The following COL28A1 variants were observed in gnomAD, a reference collection of about 807,000 sequenced individuals.
The protein encoded by COL28A1 is collagen alpha-1(XXVIII) chain.
In COL28A1, 161 loss-of-function variants were observed where a neutral mutation model predicts 150.2. That is an observed-to-expected ratio of 1.07 (90% confidence interval 0.94 to 1.22). COL28A1 has a LOEUF of 1.22. Among genes scored for constraint, COL28A1 ranks in the 50% most tolerant of loss-of-function variants. The probability of loss-of-function intolerance (pLI) is 0.00; values close to 1 mark genes in which losing one functional copy is unlikely to be tolerated. For synonymous variants in COL28A1, 552 were observed against 469.7 expected (o/e 1.18, Z -2.26); for missense variants, 1,617 against 1,388.3 (o/e 1.16, Z -2.62).
At chr7:7,382,891 G>C (rs1315164918) in intron 27 of COL28A1, among the ~76,000 whole-genome samples, 2 of 152,132 alleles carry the variant, frequency 1.3e-5, no homozygotes, top group Non-Finnish European at 2.9e-5. Context: ...TGGGATTTAC[G>C]AGGCACTCCT....
At chr7:7,506,380 CTTTTT>C (rs1310876573) in intron 10 of COL28A1, among the ~76,000 whole-genome samples, 2 of 152,138 alleles carry the variant, frequency 1.3e-5, no homozygotes, top group Non-Finnish European at 2.9e-5. Flanking sequence ...TAAGTATCTT[CTTTTT>C]TAAAATATCT....
At chr7:7,360,288 T>C in intron 34 of COL28A1, 102 bp downstream of exon 34, 1 of 1,169,348 alleles carries the variant, frequency 8.6e-7, no homozygotes, top group Non-Finnish European at 1.2e-6. Context: ...CCTCACATTG[T>C]AGATACAGTA....
intron 32 of COL28A1, among the ~76,000 whole-genome samples, chr7:7,372,398 AAAATAAATAAATAAAT>A (rs3067784): frequency 3.0e-5 from 4 of 133,660 alleles, no homozygotes; most frequent in African/African-American, 1.2e-4. Flanking sequence ...ACTCCGTCTC[AAAATAAATAAATAAAT>A]AAATAAATAA....
chr7:7,492,286 A>C (rs149921354), intron 11 of COL28A1, among the ~76,000 whole-genome samples: 2 of 152,222 alleles, frequency 1.3e-5, no homozygotes, highest in African/African-American at 4.8e-5. Flanking sequence ...TACTATAAGA[A>C]GTCTGTAACC....
Position 7,502,870 on chromosome 7 carries a change from T to C in COL28A1, c.1026+3144A>G, listed in dbSNP as rs1390806468. Among the ~76,000 whole-genome samples, 2 of 84,184 alleles carry C rather than the reference T, an allele frequency of 2.4e-5. 1 individual carries two copies. The highest frequency in any genetic ancestry group is 2.0e-4 in the Admixed American group (2 of 9,892). 55.2% of individuals were successfully genotyped at this position (84,184 alleles called of 152,430 possible). ...CCGCTACCACGCCCGGCTAATTTTT[T>C]GTATTTTTAGTAGAGACGGGGTTTC... On this transcript the variant is annotated intron_variant, in intron 11 of 34. Coordinates refer to ENST00000399429, the MANE Select transcript of COL28A1 (RefSeq NM_001037763.3).
At chr7:7,354,727 TCTTA>T (rs1053612963), downstream of COL28A1, among the ~76,000 whole-genome samples, 3 of 152,152 alleles carry the variant, frequency 2.0e-5, no homozygotes, top group African/African-American at 4.8e-5. Context: ...AACTTCTGAG[TCTTA>T]CTTAATTAAT....
chr7:7,505,601 G>A (rs1403099261), intron 11 of COL28A1, among the ~76,000 whole-genome samples: 3 of 152,124 alleles, frequency 2.0e-5, no homozygotes, highest in African/African-American at 7.2e-5. Context: ...CTTGATTTCT[G>A]TTGGTATAAC....
rs1321005325 is a variant in COL28A1, at chr7:7,460,971, C to A, written c.1303-4859G>T. Among the ~76,000 whole-genome samples the A allele has an allele frequency of 1.1e-4, 16 of 152,156 alleles. No individual in the cohort carries two copies. In the East Asian group the frequency reaches 1.7e-3, roughly 17 times the overall value. On this transcript the variant is annotated intron_variant, in intron 15 of 34. Transcript: ENST00000399429. ...GCATGTGGAGGCTAGCACTGTGAAC[C>A]TTTGCTCTAGAACGACTGCAGGAAT...
chr7:7,387,010 G>T (rs925101333), intron 27 of COL28A1, among the ~76,000 whole-genome samples: 4 of 152,126 alleles, frequency 2.6e-5, no homozygotes, highest in Non-Finnish European at 5.9e-5. Flanking sequence ...GCTCCCTGGG[G>T]CCTCCTTTAT....
chr7:7,350,155 G>A, the COL28A1 span, among the ~76,000 whole-genome samples: 1 of 152,048 alleles, frequency 6.6e-6, no homozygotes, highest in African/African-American at 2.4e-5. Flanking sequence ...GAGAAGAGGA[G>A]GCCAATTTGG....
At chr7:7,495,658 C>G (rs1780167594) in intron 11 of COL28A1, among the ~76,000 whole-genome samples, 1 of 152,104 alleles carries the variant, frequency 6.6e-6, no homozygotes, top group Admixed American at 6.5e-5. Flanking sequence ...CAACACCTAT[C>G]AGTATGCCTC....
chr7:7,532,659 GGCTT>G, intron 2 of COL28A1, 89 bp downstream of exon 2: 1 of 1,474,710 alleles, frequency 6.8e-7, no homozygotes, highest in Non-Finnish European at 9.1e-7. Context: ...ACATGTATAT[GGCTT>G]GCTATTTATA....
intron 27 of COL28A1, among the ~76,000 whole-genome samples, chr7:7,407,217 T>C (rs182543449): frequency 3.8e-4 from 58 of 152,160 alleles, no homozygotes; most frequent in Middle Eastern, 3.4e-3. Flanking sequence ...GTTTAACTAA[T>C]TGAAGTTTCA....
At chr7:7,422,639 A>G (rs559128433) in intron 25 of COL28A1, among the ~76,000 whole-genome samples, 1 of 152,102 alleles carries the variant, frequency 6.6e-6, no homozygotes, top group African/African-American at 2.4e-5. Context: ...CAAAAAAGAA[A>G]AAAAAAAAGG....
At chr7:7,375,994 A>AT (rs1781521470) in intron 30 of COL28A1, among the ~76,000 whole-genome samples, 1 of 152,006 alleles carries the variant, frequency 6.6e-6, no homozygotes, top group African/African-American at 2.4e-5. Context: ...CTAGTTCCTG[A>AT]TTTTTCAAGT....
chr7:7,470,950 G>A (rs1489152633), intron 15 of COL28A1, among the ~76,000 whole-genome samples: 1 of 118,738 alleles, frequency 8.4e-6, no homozygotes, highest in Non-Finnish European at 1.7e-5. Context: ...ATCACACTCT[G>A]GGGACTGTGG....
rs375359721 is a variant in COL28A1, at chr7:7,531,544, C to G, written c.485G>C (p.Gly162Ala). ...GVKVVLLMTD[G>A]IDHPKNPDVQ... ...ATCTGGATTCTTTGGATGGTCGATG[C>G]CATCAGTCATCAGCAAAACCACTTT... The change falls in exon 3 of 35, where the codon GGC becomes GCC. Residue 162 changes from glycine to alanine, a missense_variant. Transcript: ENST00000399429. 6.2e-6 allele frequency: 10 copies of G among 1,609,222 alleles called. No individual in the cohort carries two copies. The highest frequency in any genetic ancestry group is 7.7e-6 in the Non-Finnish European group (9 of 1,175,732).
At chr7:7,445,280 G>C (rs1407099079) in intron 18 of COL28A1, among the ~76,000 whole-genome samples, 1 of 152,204 alleles carries the variant, frequency 6.6e-6, no homozygotes, top group Non-Finnish European at 1.5e-5. Flanking sequence ...CACACAGGGA[G>C]AGCACCATGT....
At chr7:7,453,390 A>G (rs1420333204) in intron 17 of COL28A1, 50 bp downstream of exon 17, 1 of 876,848 alleles carries the variant, frequency 1.1e-6, no homozygotes, top group East Asian at 2.4e-5. Flanking sequence ...ATCAGAAAAC[A>G]GCAATTATAC....
Sources: gnomAD v4.1 joint callset for allele counts (sites outside exome capture counted in the v4.1 genomes callset) on GRCh38, gnomAD v4.1.1 for gene constraint, MANE v1.5 for transcripts, NCBI Gene and HGNC (gene_info 2026-07-23, HGNC 2026-07-21) for gene names.